Variants in OFD1 observed in about 807,000 individuals in gnomAD.
The protein encoded by OFD1 is centriole and centriolar satellite protein OFD1.
Under a neutral mutation model 81.4 loss-of-function variants are expected in OFD1, and 12 were observed. That is an observed-to-expected ratio of 0.15 (90% CI 0.09 to 0.24). The LOEUF (loss-of-function observed/expected upper bound fraction) is 0.24. Ranked by LOEUF, OFD1 falls within the 10% of genes least tolerant of loss-of-function variation. The probability of loss-of-function intolerance (pLI) is 1.00; values close to 1 mark genes in which losing one functional copy is unlikely to be tolerated. For missense variants in OFD1, 685 were observed against 733.9 expected (o/e 0.93, Z 0.77); for synonymous variants, 256 against 263.7 (o/e 0.97, Z 0.28).
intron 19 of OFD1, among the ~76,000 whole-genome samples, chrX:13,766,158 G>C (rs2048118680): frequency 8.9e-6 from 1 of 112,350 alleles, no homozygotes; most frequent in African/African-American, 3.2e-5. Context: ...TCAGAGCCCA[G>C]ACTACCATGG....
Position 13,763,729 on chromosome X carries a change from A to G in OFD1, c.2489-16A>G, listed in dbSNP as rs373644050. The stretch of plus-strand genomic sequence containing the variant: ...GTTATTATTAAGGACTCATGGGACA[A>G]TTGTGCCTCATGCAGCTGCAGGGAA... On this transcript the variant is annotated splice_polypyrimidine_tract_variant and intron_variant, in intron 18 of 22. Coordinates refer to ENST00000340096, the MANE Select transcript of OFD1 (RefSeq NM_003611.3). 7.7e-6 allele frequency: 9 copies of G among 1,172,421 alleles called. No homozygotes were observed. The highest frequency in any genetic ancestry group is 1.8e-5 in the South Asian group (1 of 55,936).
chrX:13,741,456 C>G (rs1262891308), intron 5 of OFD1, among the ~76,000 whole-genome samples: 2 of 111,583 alleles, frequency 1.8e-5, no homozygotes, highest in Non-Finnish European at 3.8e-5. Flanking sequence ...CTTATCCTAC[C>G]ATATCTATGC....
upstream of OFD1, chrX:13,734,597 C>G: frequency 1.4e-6 from 1 of 714,772 alleles, no homozygotes; most frequent in Non-Finnish European, 1.7e-6. Flanking sequence ...GAACCTGTAG[C>G]CAGAACGCCG....
intron 12 of OFD1, among the ~76,000 whole-genome samples, chrX:13,755,469 G>T (rs1023908202): frequency 1.8e-5 from 2 of 111,630 alleles, no homozygotes; most frequent in East Asian, 5.6e-4. Context: ...CATCCTGTCT[G>T]TGTCTCTAAC....
At chrX:13,770,104 G>GA (rs1198572514), downstream of OFD1, among the ~76,000 whole-genome samples, 5 of 111,686 alleles carry the variant, frequency 4.5e-5, no homozygotes, top group African/African-American at 9.8e-5. Flanking sequence ...GGCAGAACTG[G>GA]AAAAAAATCT....
intron 8 of OFD1, among the ~76,000 whole-genome samples, chrX:13,749,159 TGA>T (rs756586782): frequency 2.8e-5 from 3 of 108,842 alleles, no homozygotes; most frequent in East Asian, 5.7e-4. Context: ...GATAAGGGAC[TGA>T]GAGATGTTAA....
chrX:13,723,708 A>C, the OFD1 span, among the ~76,000 whole-genome samples: 7 of 110,927 alleles, frequency 6.3e-5, no homozygotes, highest in Non-Finnish European at 1.3e-4. Flanking sequence ...GTAGCTACAC[A>C]GAATTTGGGA....
In OFD1 at chrX:13,746,835, A is replaced by G. The variant is rs1179498927; in HGVS notation, c.710A>G (p.Lys237Arg). ...IAKIKMEAKK[K>R]YEKELTMFQN... The stretch of plus-strand genomic sequence containing the variant: ...AAAATTAAAATGGAAGCAAAAAAAA[A>G]GTATGAAAAGGAGTTAACCATGTTC... Residue 237 changes from lysine (K) to arginine (R), a missense_variant, in exon 8 of 23, where the codon AAG (lysine) becomes AGG (arginine). Around this residue, in one of 3 missense-constraint regions of OFD1, gnomAD observed 414 missense variants for 447.2 expected, o/e 0.93. Transcript: ENST00000340096. The G allele has an allele frequency of 5.8e-6, 7 of 1,200,758 alleles. No individual in the cohort carries two copies. The highest frequency in any genetic ancestry group is 7.9e-6 in the Non-Finnish European group (7 of 888,406).
chrX:13,753,145 A>AT, intron 10 of OFD1: 4 of 1,030,192 alleles, frequency 3.9e-6, no homozygotes, highest in South Asian at 2.8e-5. Context: ...ATTTTGTGTG[A>AT]TTGAGTTTTG....
the OFD1 span, chrX:13,719,855 A>T: frequency 1.8e-6 from 2 of 1,125,441 alleles, no homozygotes; most frequent in Non-Finnish European, 2.4e-6. Context: ...ACAATAGCAT[A>T]AAAATTCTTA....
At chrX:13,763,312 A>T (rs1021731344) in intron 18 of OFD1, among the ~76,000 whole-genome samples, 2 of 112,410 alleles carry the variant, frequency 1.8e-5, no homozygotes, top group African/African-American at 6.5e-5. Flanking sequence ...CATATAAGCT[A>T]TTGGTTAGCC....
intron 14 of OFD1, 107 bp downstream of exon 14, chrX:13,757,897 A>T: frequency 1.1e-6 from 1 of 913,251 alleles, no homozygotes; most frequent in East Asian, 3.2e-5. Flanking sequence ...TTAACATCAA[A>T]CATTACTCCC....
chrX:13,753,475 C>G lies in OFD1; in HGVS notation c.1129+34C>G. ...TGGGGGGAAAATAAGCTGTATTTTT[C>G]AGTTCTGCTGTAGGTTATTAGCTTC... On this transcript the variant is annotated intron_variant, in intron 11 of 22. Coordinates refer to ENST00000340096, the MANE Select transcript of OFD1 (RefSeq NM_003611.3). 4 of 1,192,853 alleles carry G rather than the reference C, an allele frequency of 3.4e-6. No individual in the cohort carries two copies. The African/African-American group carries it at 7.0e-5, about 21-fold the overall frequency.
chrX:13,743,767 A>AT (rs1053127928), intron 5 of OFD1, among the ~76,000 whole-genome samples: 21 of 101,621 alleles, frequency 2.1e-4, no homozygotes, highest in South Asian at 8.1e-4. Context: ...CATTTTTCTG[A>AT]TTTTTTTTTT....
chrX:13,771,382 TAATTTA>T (rs2048295302), downstream of OFD1: 2 of 91,137 alleles, frequency 2.2e-5, no homozygotes, highest in Admixed American at 2.7e-4. Flanking sequence ...GAGCTTCTCT[TAATTTA>T]AAAAAAAAAA....
Position 13,746,278 on chromosome X carries a change from G to A in OFD1, c.518-41G>A, listed in dbSNP as rs759287367. On this transcript the variant is annotated intron_variant, in intron 6 of 22. Coordinates refer to ENST00000340096, the MANE Select transcript of OFD1 (RefSeq NM_003611.3). ...AGGTCTGGCGTCTTACGCACCTGAC[G>A]ATGTTTCTATGTCCTAATTTGATGT... The A allele has an allele frequency of 1.1e-5, 13 of 1,180,994 alleles. No homozygotes were observed. The South Asian group carries it at 1.6e-4, about 15-fold the overall frequency.
chrX:13,770,146 G>T (rs73451156), downstream of OFD1, among the ~76,000 whole-genome samples: 5 of 112,278 alleles, frequency 4.5e-5, no homozygotes, highest in Admixed American at 2.8e-4. Context: ...CCTAGGTTTC[G>T]TGGCAGGATC....
chrX:13,771,890 T>C (rs569360011), downstream of OFD1: 1 of 112,201 alleles, frequency 8.9e-6, no homozygotes. Flanking sequence ...TCTATAAAAG[T>C]AGGAGGTTAG....
At chrX:13,767,953 C>A in intron 20 of OFD1, 101 bp from the exon 21 acceptor site, 1 of 831,321 alleles carries the variant, frequency 1.2e-6, no homozygotes, top group Non-Finnish European at 1.7e-6. Flanking sequence ...GGCATACAGG[C>A]TGTACTTGAA....
Sources: gnomAD v4.1 joint callset for allele counts (sites outside exome capture counted in the v4.1 genomes callset) on GRCh38, gnomAD v4.1.1 for gene constraint, gnomAD v4.1.1 regional missense constraint, MANE v1.5 for transcripts, NCBI Gene and HGNC (gene_info 2026-07-23, HGNC 2026-07-21) for gene names.